The following DIAPH3 variants were observed in gnomAD, a reference collection of about 807,000 sequenced individuals.
DIAPH3 encodes the protein protein diaphanous homolog 3.
A neutral mutation model predicts 144.3 loss-of-function variants in DIAPH3; 117 were observed. The ratio of observed to expected loss-of-function variants is 0.81; its 90% confidence interval spans 0.70 to 0.95. The LOEUF is 0.95. DIAPH3 is among the 40% of genes least tolerant of loss of function. DIAPH3 has a pLI of 0.00. For synonymous variants in DIAPH3, 519 were observed against 488.9 expected (o/e 1.06, Z -0.81); for missense variants, 1,421 against 1,412.7 (o/e 1.01, Z -0.09).
intron 22 of DIAPH3, among the ~76,000 whole-genome samples, chr13:59,850,647 G>A (rs1156755822): frequency 6.6e-6 from 1 of 151,896 alleles, no homozygotes; most frequent in East Asian, 1.9e-4. Flanking sequence ...TATTGAACCA[G>A]CCTTGCATCC....
chr13:59,781,958 A>T (rs538791749), intron 25 of DIAPH3, among the ~76,000 whole-genome samples: 3 of 152,176 alleles, frequency 2.0e-5, no homozygotes, highest in Non-Finnish European at 4.4e-5. Context: ...TATATGGAGC[A>T]GACAGTGAAC....
At chr13:59,699,718 T>TG (rs2033997716) in intron 27 of DIAPH3, among the ~76,000 whole-genome samples, 1 of 152,198 alleles carries the variant, frequency 6.6e-6, no homozygotes. Flanking sequence ...TATGGACTGT[T>TG]GGAGCTAAAT....
chr13:59,877,867 G>C (rs2044734184), intron 21 of DIAPH3, among the ~76,000 whole-genome samples: 1 of 152,056 alleles, frequency 6.6e-6, no homozygotes, highest in East Asian at 1.9e-4. Flanking sequence ...GCTGACTCCT[G>C]CTTAGAACGC....
At chr13:59,687,635 A>G in intron 27 of DIAPH3, among the ~76,000 whole-genome samples, 1 of 152,038 alleles carries the variant, frequency 6.6e-6, no homozygotes. Flanking sequence ...GATATATTGA[A>G]AAAACTCAGA....
Position 60,020,556 on chromosome 13 carries a change from G to C in DIAPH3, c.627-4411C>G, listed in dbSNP as rs535369197. Among the ~76,000 whole-genome samples, 4 of 152,108 alleles carry C rather than the reference G, an allele frequency of 2.6e-5. No individual in the cohort carries two copies. The South Asian group carries it at 8.3e-4, about 32-fold the overall frequency. ...CTAATTTTAACTTTTGTAGAGATCG[G>C]GTCTCACTACGTTGCCCAGGCCAGT... On this transcript the variant is annotated intron_variant, in intron 5 of 27. Coordinates refer to ENST00000400324, the MANE Select transcript of DIAPH3 (RefSeq NM_001042517.2).
At chr13:60,007,174 C>A (rs960944265) in intron 9 of DIAPH3, among the ~76,000 whole-genome samples, 1 of 151,922 alleles carries the variant, frequency 6.6e-6, no homozygotes, top group African/African-American at 2.4e-5. Flanking sequence ...GTTTTAGCCT[C>A]CTGAGTAGCT....
At chr13:60,114,698 C>A (rs1166310944) in intron 2 of DIAPH3, among the ~76,000 whole-genome samples, 3 of 151,444 alleles carry the variant, frequency 2.0e-5, no homozygotes, top group African/African-American at 7.3e-5. Context: ...CCTACCTACC[C>A]CTAAGCACTT....
chr13:59,975,229 A>T (rs1022410904), intron 14 of DIAPH3, among the ~76,000 whole-genome samples: 2 of 152,076 alleles, frequency 1.3e-5, no homozygotes. Flanking sequence ...AATCAAAAAA[A>T]TGCAACTATC....
chr13:59,916,730 A>C lies in DIAPH3; in HGVS notation c.2171-481T>G, dbSNP rs561968103. 3.9e-5 allele frequency among the ~76,000 whole-genome samples: 6 copies of C among 152,298 alleles called. No homozygotes were observed. In the East Asian group the frequency reaches 1.2e-3, roughly 29 times the overall value. The stretch of plus-strand genomic sequence containing the variant: ...GAAAACTGCTAAGCAGTACATTAAC[A>C]CTTTTACAAGTAATAGTAGCACTTC... On this transcript the variant is annotated intron_variant, in intron 18 of 27. Transcript: ENST00000400324.
At chr13:59,910,807 C>T (rs1486791325) in intron 20 of DIAPH3, among the ~76,000 whole-genome samples, 6 of 147,704 alleles carry the variant, frequency 4.1e-5, no homozygotes, top group African/African-American at 1.5e-4. Context: ...ATGCTTTTTC[C>T]TTTTGTGTTC....
At chr13:59,855,600 G>C (rs143008528) in intron 22 of DIAPH3, among the ~76,000 whole-genome samples, 3 of 151,548 alleles carry the variant, frequency 2.0e-5, no homozygotes, top group Non-Finnish European at 4.4e-5. Flanking sequence ...AGTCAAATTA[G>C]TTCCCTGAGA....
intron 27 of DIAPH3, among the ~76,000 whole-genome samples, chr13:59,716,311 G>A (rs1033526649): frequency 6.6e-6 from 1 of 152,116 alleles, no homozygotes; most frequent in Non-Finnish European, 1.5e-5. Context: ...CAGTAGCTGG[G>A]AATACAGGCG....
intron 23 of DIAPH3, among the ~76,000 whole-genome samples, chr13:59,834,900 T>A (rs2041965397): frequency 6.6e-6 from 1 of 151,866 alleles, no homozygotes; most frequent in East Asian, 1.9e-4. Flanking sequence ...ATCACTGTCA[T>A]CTTCCCATTT....
intron 27 of DIAPH3, among the ~76,000 whole-genome samples, chr13:59,769,955 T>C (rs1003560545): frequency 6.6e-5 from 10 of 152,162 alleles, no homozygotes; most frequent in African/African-American, 1.9e-4. Context: ...GATAATGCCC[T>C]GTACTCATCA....
At chr13:59,928,315 G>A (rs2047853796) in intron 17 of DIAPH3, among the ~76,000 whole-genome samples, 1 of 151,680 alleles carries the variant, frequency 6.6e-6, no homozygotes, top group Admixed American at 6.6e-5. Flanking sequence ...GTCTACTTGT[G>A]TTCTCTGCGC....
intron 17 of DIAPH3, among the ~76,000 whole-genome samples, chr13:59,940,720 A>T (rs1314941182): frequency 1.3e-5 from 2 of 152,162 alleles, no homozygotes; most frequent in Non-Finnish European, 2.9e-5. Context: ...CTCCAATAAG[A>T]AACCATTATT....
intron 17 of DIAPH3, among the ~76,000 whole-genome samples, chr13:59,965,018 T>A (rs2140521624): frequency 6.6e-6 from 1 of 152,298 alleles, no homozygotes; most frequent in Middle Eastern, 3.4e-3. Context: ...TGAGGTAGTT[T>A]AAAAAATTTT....
rs190996388 is a variant in DIAPH3 at position 59,954,356 on chromosome 13, A to G, written c.2074+15588T>C. 7.9e-5 allele frequency among the ~76,000 whole-genome samples: 12 copies of G among 152,248 alleles called. No individual in the cohort carries two copies. The East Asian group carries it at 2.3e-3, about 29-fold the overall frequency. ...CTTTAACTTGTAAGTTACTTCCTTT[A>G]TCTCATTCCCTTTTGCTTCTAACAG... On this transcript the variant is annotated intron_variant, in intron 17 of 27. Transcript: ENST00000400324.
intron 27 of DIAPH3, among the ~76,000 whole-genome samples, chr13:59,676,546 A>G (rs1191762249): frequency 6.6e-6 from 1 of 152,334 alleles, no homozygotes; most frequent in East Asian, 1.9e-4. Context: ...TGGTTAAGTC[A>G]GTTCATTAGT....
Sources: gnomAD v4.1 joint callset for allele counts (sites outside exome capture counted in the v4.1 genomes callset) on GRCh38, gnomAD v4.1.1 for gene constraint, MANE v1.5 for transcripts, NCBI Gene and HGNC (gene_info 2026-07-23, HGNC 2026-07-21) for gene names.